Variants in QRICH2 observed in about 807,000 individuals in gnomAD.
QRICH2 encodes glutamine rich 2.
QRICH2 carries 119 observed loss-of-function variants against 168.3 expected under a neutral mutation model. The observed-to-expected ratio is 0.71, with a 90% CI of 0.61 to 0.82. QRICH2 has a LOEUF of 0.82. Ranked by LOEUF, QRICH2 falls within the 40% of genes least tolerant of loss-of-function variation. QRICH2 has a pLI of 0.00. For missense variants in QRICH2, 2,241 were observed against 2,491.6 expected, an observed-to-expected ratio of 0.90 and a Z score of 2.14; for synonymous variants, 894 against 951.2, an observed-to-expected ratio of 0.94 and a Z score of 1.11.
Position 76,280,454 on chromosome 17 carries a change from G to T in QRICH2, c.4462-3C>A. ...GCCAGAGCACTCTTGTCGGCTTTCT[G>T]CCCAGAGACAGACAGAGGTCCCCGC... On this transcript the variant is annotated splice_region_variant and splice_polypyrimidine_tract_variant and intron_variant, in intron 10 of 18. Transcript: ENST00000680821. This position sits in a 1 kb window ranked among gnomAD's most constrained non-coding sequence, Gnocchi z 7.4. The T allele has an allele frequency of 6.2e-7, 1 of 1,613,482 alleles. No individual in the cohort carries two copies. The highest frequency in any genetic ancestry group is 8.5e-7 in the Non-Finnish European group (1 of 1,179,736).
Position 76,281,952 on chromosome 17 carries a change from G to C in QRICH2, c.4175C>G (p.Thr1392Arg). 6.2e-7 allele frequency: 1 copy of C among 1,613,820 alleles called. No homozygotes were observed. Among genetic ancestry groups the C allele is most frequent in the Non-Finnish European group, 8.5e-7 (1 of 1,179,986 alleles). Reference protein sequence around the residue: ...CSLDVSHQVSTLVRRYEQLQD... With the variant: ...CSLDVSHQVSRLVRRYEQLQD... ...GAGTTGCTCATAGCGCCGCACCAGCGTGCTGACCTGATGGCTCACATCCAG... is the reference window on the plus strand; with the variant it reads ...GAGTTGCTCATAGCGCCGCACCAGCCTGCTGACCTGATGGCTCACATCCAG... Residue 1392 changes from threonine (T) to arginine (R), a missense_variant, in exon 8 of 19, where the codon ACG becomes AGG. Around this residue, in one of 3 missense-constraint regions of QRICH2, gnomAD observed 2,047 missense variants for 2,303.8 expected, o/e 0.89. Transcript: ENST00000680821. This position sits in a 1 kb window ranked among gnomAD's most constrained non-coding sequence, Gnocchi z 4.4.
Position 76,278,231 on chromosome 17 carries a change from CG to C in QRICH2, c.4917-43del, listed in dbSNP as rs766641038. The C allele has an allele frequency of 8.2e-6, 13 of 1,586,518 alleles. No individual in the cohort carries two copies. The African/African-American group carries it at 1.5e-4, about 18-fold the overall frequency. ...GAACAGAGGGAGGGTTGGCCCATGG[CG>C]GGGGCCTTGACCTTGTGTAAGCCGA... On this transcript the variant is annotated intron_variant, in intron 14 of 18. Coordinates refer to ENST00000680821, the MANE Select transcript of QRICH2 (RefSeq NM_001388453.1).
chr17:76,293,738 G>A lies in QRICH2; in HGVS notation c.989C>T (p.Ser330Phe). 1 of 1,614,158 alleles carries A rather than the reference G, an allele frequency of 6.2e-7. No homozygotes were observed. The highest frequency in any genetic ancestry group is 2.2e-5 in the East Asian group (1 of 44,886). The change falls in exon 4 of 19, where the codon TCT becomes TTT. Residue 330 changes from serine (S) to phenylalanine (F), a missense_variant. Transcript: ENST00000680821. ...DEAGVPRLHQ[S>F]STFQFKSDSD... ...GTCTGATTTGAATTGGAATGTAGAA[G>A]ACTGATGGAGTCGTGGCACGCCAGC... is the stretch of plus-strand genomic sequence containing the variant.
chr17:76,303,135 C>T (rs2070932238), intron 3 of QRICH2, among the ~76,000 whole-genome samples: 1 of 152,156 alleles, frequency 6.6e-6, no homozygotes, highest in Admixed American at 6.5e-5. Context: ...CCGCCCCCCT[C>T]GACTTCTCAA....
intron 3 of QRICH2, among the ~76,000 whole-genome samples, chr17:76,302,090 C>T (rs1432814765): frequency 6.6e-6 from 1 of 151,934 alleles, no homozygotes; most frequent in Non-Finnish European, 1.5e-5. Context: ...GTAGAGATGG[C>T]GTTTCACCAT....
chr17:76,280,091 G>A lies in QRICH2; in HGVS notation c.4690C>T (p.Gln1564Ter). The A allele has an allele frequency of 1.9e-6, 3 of 1,613,728 alleles. No individual in the cohort carries two copies. The highest frequency in any genetic ancestry group is 2.5e-6 in the Non-Finnish European group (3 of 1,180,002). ...LLEDRWKSLR[Q>*]QLRERPPLYQ... ...AGTGGGGGGCGCTCCCTGAGCTGCTGTCGCAGCGATTTCCACCGATCCTCC... is the reference window on the plus strand; with the variant it reads ...AGTGGGGGGCGCTCCCTGAGCTGCTATCGCAGCGATTTCCACCGATCCTCC... Residue 1564 changes from glutamine (Q) to a stop codon, truncating the protein, a stop_gained, in exon 12 of 19, where the codon CAG becomes TAG. Transcript: ENST00000680821. LOFTEE classifies it high-confidence loss of function. This position sits in a 1 kb window ranked among gnomAD's most constrained non-coding sequence, Gnocchi z 7.4.
Position 76,277,250 on chromosome 17 carries a change from G to A in QRICH2, c.5178C>T (p.His1726=). 6.2e-7 allele frequency: 1 copy of A among 1,602,882 alleles called. No individual in the cohort carries two copies. The highest frequency in any genetic ancestry group is 8.5e-7 in the Non-Finnish European group (1 of 1,176,866). Reference sequence around the variant, plus strand: ...TGCGGTGGTAGGGGTAGGTGAGGGTGTGGCTGCCCCCGCAGCGCCGGGGCA... The same window carrying A: ...TGCGGTGGTAGGGGTAGGTGAGGGTATGGCTGCCCCCGCAGCGCCGGGGCA... ...STVPRRCGGS[H]TLTYPYHRSR... The change falls in exon 16 of 19, where the codon CAC becomes CAT. Residue 1726 remains histidine (H), a synonymous_variant. Coordinates refer to ENST00000680821, the MANE Select transcript of QRICH2 (RefSeq NM_001388453.1).
intron 3 of QRICH2, among the ~76,000 whole-genome samples, chr17:76,301,703 A>AATTTTT (rs1555587308): frequency 3.3e-5 from 4 of 121,752 alleles, no homozygotes; most frequent in African/African-American, 1.4e-4. Context: ...GTGTTTTATA[A>AATTTTT]TTTTTTTTTT....
chr17:76,301,149 C>T (rs750935759), intron 3 of QRICH2, among the ~76,000 whole-genome samples: 27 of 151,102 alleles, frequency 1.8e-4, no homozygotes, highest in Non-Finnish European at 3.1e-4. Flanking sequence ...TCCAGGAGGT[C>T]GAGGTTGCAG....
chr17:76,291,899 T>TG lies in QRICH2; in HGVS notation c.2827dup (p.Gln943ProfsTer8). 6.2e-7 allele frequency: 1 copy of TG among 1,614,214 alleles called. No individual in the cohort carries two copies. Among genetic ancestry groups the TG allele is most frequent in the Non-Finnish European group, 8.5e-7 (1 of 1,180,042 alleles). On this transcript the variant is annotated frameshift_variant, in exon 4 of 19. Coordinates refer to ENST00000680821, the MANE Select transcript of QRICH2 (RefSeq NM_001388453.1). LOFTEE classifies it high-confidence loss of function. ...TAAATCATGCAAATATGCACCAGGT[T>TG]GTACCAAACCAAGAGGATAGGCACC... is the stretch of plus-strand genomic sequence containing the variant.
At chr17:76,287,036 AC>A (rs2070897567) in intron 7 of QRICH2, among the ~76,000 whole-genome samples, 155 bp downstream of exon 7, 4 of 105,736 alleles carry the variant, frequency 3.8e-5, no homozygotes, top group Non-Finnish European at 7.7e-5. Context: ...CTGCCCACAC[AC>A]CACATAACAC....
intron 7 of QRICH2, among the ~76,000 whole-genome samples, chr17:76,285,519 C>T (rs1331145216): frequency 2.0e-5 from 3 of 151,406 alleles, no homozygotes; most frequent in Non-Finnish European, 2.9e-5. Flanking sequence ...CTACCTGCGT[C>T]GTCCTCCCAA....
At chr17:76,290,929 C>A in intron 4 of QRICH2, 86 bp downstream of exon 4, 1 of 1,543,704 alleles carries the variant, frequency 6.5e-7, no homozygotes, top group Admixed American at 1.9e-5. Flanking sequence ...GTGTAGCAGC[C>A]AGGAGTTGAG....
rs552664573 is a variant in QRICH2 at position 76,294,504 on chromosome 17, G to T, written c.706-483C>A. 4.5e-3 allele frequency among the ~76,000 whole-genome samples: 680 copies of T among 152,024 alleles called. 1 individual carries two copies. The highest frequency in any genetic ancestry group is 0.021 in the Middle Eastern group (6 of 290). ...TTGAGACTCTGCATATTTGAAAATG[G>T]CATGTACAAAAATATGTAATTTTTG... On this transcript the variant is annotated intron_variant, in intron 3 of 18. Coordinates refer to ENST00000680821, the MANE Select transcript of QRICH2 (RefSeq NM_001388453.1).
intron 7 of QRICH2, among the ~76,000 whole-genome samples, chr17:76,286,392 G>C (rs1021870682): frequency 6.6e-6 from 1 of 152,182 alleles, no homozygotes; most frequent in African/African-American, 2.4e-5. Flanking sequence ...AAAGAAGCCA[G>C]ATACAAAAGT....
intron 3 of QRICH2, among the ~76,000 whole-genome samples, chr17:76,295,073 C>CAAAT (rs201787948): frequency 0.031 from 4,411 of 143,226 alleles, 174 homozygotes; most frequent in African/African-American, 0.085. Context: ...CTACTAAAAA[C>CAAAT]AAATAAATAA....
chr17:76,291,986 G>A lies in QRICH2; in HGVS notation c.2741C>T (p.Pro914Leu), dbSNP rs201037184. 104 of 1,613,968 alleles carry A rather than the reference G, an allele frequency of 6.4e-5. No individual in the cohort carries two copies. Among genetic ancestry groups the A allele is most frequent in the Non-Finnish European group, 8.5e-5 (100 of 1,180,054 alleles). The change falls in exon 4 of 19, where the codon CCT becomes CTT. Residue 914 changes from proline (P) to leucine (L), a missense_variant. By Grantham distance (98) the Pro-to-Leu change is moderately conservative. Transcript: ENST00000680821. ...CACCATACCTTGCTGACCTATTCCA[G>A]GCTGCACCATACCCAGCTGACCTGC... ...PGAGQLGMVQ[P>L]GIGQQGMVQP...
upstream of QRICH2, chr17:76,309,862 A>G (rs2071050897): frequency 6.6e-6 from 1 of 152,234 alleles, no homozygotes; most frequent in South Asian, 2.1e-4. Context: ...GTTCAAGTTC[A>G]GATTTTTCAC....
chr17:76,287,735 ATCACCTCCT>A, intron 6 of QRICH2, 56 bp downstream of exon 6: 1 of 1,257,598 alleles, frequency 8.0e-7, no homozygotes, highest in Non-Finnish European at 1.2e-6. Flanking sequence ...ACTGGCCGCC[ATCACCTCCT>A]TGGCTGAGAA....
Sources: gnomAD v4.1 joint callset for allele counts (sites outside exome capture counted in the v4.1 genomes callset) on GRCh38, gnomAD v4.1.1 for gene constraint, gnomAD v4.1.1 regional missense constraint, Gnocchi (gnomAD v3.1) non-coding constraint, MANE v1.5 for transcripts, NCBI Gene and HGNC (gene_info 2026-07-23, HGNC 2026-07-21) for gene names.